INTU: variants seen among roughly 807,000 people sequenced by gnomAD.
The protein encoded by INTU is inturned planar cell polarity protein, also known as protein inturned.
A neutral mutation model predicts 100.5 loss-of-function variants in INTU; 68 were observed. That is an observed-to-expected ratio of 0.68 (90% CI 0.56 to 0.83). INTU has a LOEUF of 0.83. INTU is among the 40% of genes least tolerant of loss of function. The pLI is 0.00. For synonymous variants in INTU, 357 were observed against 395.7 expected (o/e 0.90, Z 1.16); for missense variants, 1,071 against 1,114.7 (o/e 0.96, Z 0.56).
intron 6 of INTU, among the ~76,000 whole-genome samples, chr4:127,681,956 T>C (rs200075713): frequency 0.031 from 4,764 of 151,832 alleles, 300 homozygotes; most frequent in East Asian, 0.27. Flanking sequence ...CATGAACAGA[T>C]ACTTCTCAAA....
In INTU at chr4:127,718,237, G is replaced by T. The variant is rs546167557; in HGVS notation, c.*1801G>T. 6.6e-6 allele frequency: 1 copy of T among 152,244 alleles called. No homozygotes were observed. The highest frequency in any genetic ancestry group is 2.1e-4 in the South Asian group (1 of 4,820). The allele number at this position is 152,244 out of a possible 1,614,324, so 9.4% of individuals were successfully genotyped here. On this transcript the variant is annotated 3_prime_UTR_variant, in exon 16 of 16. Transcript: ENST00000335251. ...TCTCCCAGCACCATTTATTAAATAA[G>T]GAATCCTTTCCCCATTGCTTGTTTT... is the stretch of plus-strand genomic sequence containing the variant.
chr4:127,715,235 C>T (rs2148740404), intron 15 of INTU, among the ~76,000 whole-genome samples: 1 of 152,158 alleles, frequency 6.6e-6, no homozygotes, highest in South Asian at 2.1e-4. Flanking sequence ...AGTGAAAGAT[C>T]AAGTTGGGAA....
chr4:127,657,919 C>G (rs1242142331), intron 3 of INTU, among the ~76,000 whole-genome samples: 2 of 152,082 alleles, frequency 1.3e-5, no homozygotes, highest in South Asian at 4.2e-4. Flanking sequence ...GTCCCCCAAC[C>G]CTGGTCTGTG....
chr4:127,695,468 G>A (rs1047697246), intron 8 of INTU, among the ~76,000 whole-genome samples: 1 of 152,164 alleles, frequency 6.6e-6, no homozygotes, highest in Non-Finnish European at 1.5e-5. Context: ...TAAGCCGGGT[G>A]TGGTGGCACA....
intron 1 of INTU, 106 bp downstream of exon 1, chr4:127,633,286 T>C: frequency 8.4e-7 from 1 of 1,196,794 alleles, no homozygotes. Flanking sequence ...AATCGAGTAT[T>C]TGGGGTTCTA....
At chr4:127,716,283 T>C in intron 15 of INTU, 42 bp from the exon 16 acceptor site, 2 of 931,008 alleles carry the variant, frequency 2.1e-6, no homozygotes, top group Non-Finnish European at 3.2e-6. Flanking sequence ...TTGTTGTTTG[T>C]TGTTTTAATT....
chr4:127,698,423 C>G (rs1730493499), intron 8 of INTU, among the ~76,000 whole-genome samples: 1 of 149,942 alleles, frequency 6.7e-6, no homozygotes, highest in Non-Finnish European at 1.5e-5. Flanking sequence ...GATTGTGCCA[C>G]TGGCACTCCA....
chr4:127,647,242 A>G (rs1727631772), intron 2 of INTU, among the ~76,000 whole-genome samples: 1 of 152,234 alleles, frequency 6.6e-6, no homozygotes, highest in Non-Finnish European at 1.5e-5. Flanking sequence ...AAAACAATAC[A>G]GATTTATCAT....
At chr4:127,651,857 A>G (rs1386475054) in intron 2 of INTU, among the ~76,000 whole-genome samples, 1 of 151,450 alleles carries the variant, frequency 6.6e-6, no homozygotes, top group Non-Finnish European at 1.5e-5. Flanking sequence ...ATGAGCATGG[A>G]ATGTTCTTCC....
intron 4 of INTU, among the ~76,000 whole-genome samples, chr4:127,666,716 T>A (rs1728714086): frequency 6.6e-6 from 1 of 152,202 alleles, no homozygotes; most frequent in African/African-American, 2.4e-5. Flanking sequence ...ATTTGAAAAG[T>A]ATGTTCTGGC....
chr4:127,705,426 A>G (rs1730835017), intron 10 of INTU, among the ~76,000 whole-genome samples, 165 bp from the exon 11 acceptor site: 1 of 152,196 alleles, frequency 6.6e-6, no homozygotes, highest in African/African-American at 2.4e-5. Flanking sequence ...CTCTACTTTG[A>G]CCTCAAGAAA....
At chr4:127,700,177 G>C (rs1730587734) in intron 9 of INTU, 114 bp downstream of exon 9, 3 of 827,436 alleles carry the variant, frequency 3.6e-6, no homozygotes, top group Middle Eastern at 3.4e-4. Flanking sequence ...TACACATTAG[G>C]CCTCTGTTTT....
At chr4:127,675,888 A>C (rs184024989) in intron 6 of INTU, 50 of 307,384 alleles carry the variant, frequency 1.6e-4, no homozygotes, top group Non-Finnish European at 2.6e-4. Context: ...TCTAATTTCC[A>C]CCATTCTGTT....
Position 127,720,910 on chromosome 4 carries a change from T to C in INTU, c.*4474T>C, listed in dbSNP as rs185656755. The C allele has an allele frequency of 6.6e-6, 1 of 152,224 alleles. No homozygotes were observed. Among genetic ancestry groups the C allele is most frequent in the African/African-American group, 2.4e-5 (1 of 41,550 alleles). 9.4% of individuals were successfully genotyped at this position (152,224 alleles called of 1,614,324 possible). A position where few individuals can be genotyped will look rare whatever the true frequency, so the allele number is the denominator to read the frequency against. On this transcript the variant is annotated 3_prime_UTR_variant, in exon 16 of 16. Coordinates refer to ENST00000335251, the MANE Select transcript of INTU (RefSeq NM_015693.4). Reference sequence around the variant, plus strand: ...TCTTGAATACAGCACACTGATAGAGTTTGACTCTATCCAGCTTGCCACTCT... The same window carrying C: ...TCTTGAATACAGCACACTGATAGAGCTTGACTCTATCCAGCTTGCCACTCT...
At chr4:127,663,716 T>G (rs1728578439) in intron 4 of INTU, 132 bp downstream of exon 4, 2 of 643,440 alleles carry the variant, frequency 3.1e-6, no homozygotes, top group Non-Finnish European at 5.3e-6. Flanking sequence ...ATGAATTAAC[T>G]GTTTTTCTTT....
At chr4:127,715,536 A>C (rs1222882602) in intron 15 of INTU, among the ~76,000 whole-genome samples, 5 of 152,210 alleles carry the variant, frequency 3.3e-5, no homozygotes, top group African/African-American at 4.8e-5. Flanking sequence ...CTTTGTGATT[A>C]TCCTGTGAAC....
intron 8 of INTU, among the ~76,000 whole-genome samples, chr4:127,695,489 G>C (rs34066758): frequency 0.55 from 83,242 of 152,022 alleles, 23,020 homozygotes; most frequent in Middle Eastern, 0.68. Context: ...TGTCTATAGT[G>C]TCAGCTACTC....
In INTU at chr4:127,687,700, G is replaced by A. The variant is rs369804213; in HGVS notation, c.1282G>A (p.Val428Ile). The change falls in exon 8 of 16, where the codon GTT becomes ATT. Residue 428 changes from valine to isoleucine, a missense_variant. Transcript: ENST00000335251. The part of the protein sequence containing the change: ...LDSAFCQIEN[V>I]PRLDHFFNLF... ...CAGTGCCTTTTGCCAGATTGAGAAT[G>A]TTCCTCGTTTGGATCATTTTTTTAA... 1.1e-5 allele frequency: 18 copies of A among 1,611,844 alleles called. No individual in the cohort carries two copies. The highest frequency in any genetic ancestry group is 2.2e-5 in the South Asian group (2 of 90,874).
At chr4:127,704,776 A>C (rs1730803367) in intron 10 of INTU, among the ~76,000 whole-genome samples, 1 of 151,510 alleles carries the variant, frequency 6.6e-6, no homozygotes, top group African/African-American at 2.4e-5. Context: ...CTTTTGAAAG[A>C]GTGTATTTTT....
Sources: allele counts gnomAD v4.1 joint callset (sites outside exome capture counted in the v4.1 genomes callset), GRCh38; gene constraint gnomAD v4.1.1; transcripts MANE v1.5; gene names NCBI Gene and HGNC (gene_info 2026-07-23, HGNC 2026-07-21).